C8orf88: variants seen among roughly 807,000 people sequenced by gnomAD.
The protein encoded by C8orf88 is uncharacterized protein C8orf88.
C8orf88 carries 14 observed loss-of-function variants against 18.4 expected under a neutral mutation model. The observed-to-expected ratio is 0.76, with a 90% CI of 0.50 to 1.19. The LOEUF (loss-of-function observed/expected upper bound fraction) is 1.19, where lower values mean the gene tolerates loss of function less well. Among genes scored for constraint, C8orf88 ranks in the 50% most tolerant of loss-of-function variants. C8orf88 has a pLI of 0.00. For missense variants in C8orf88, 116 were observed against 134.7 expected (o/e 0.86, Z 0.69); for synonymous variants, 45 against 42.9 (o/e 1.05, Z -0.19).
chr8:90,980,776 TA>T (rs1308683626), intron 1 of C8orf88, among the ~76,000 whole-genome samples: 15 of 152,166 alleles, frequency 9.9e-5, no homozygotes, highest in Non-Finnish European at 5.9e-5. Context: ...CACTTCAACT[TA>T]AAGCTCCTGG....
Position 90,980,430 on chromosome 8 carries a change from T to C in C8orf88, c.6A>G (p.Glu2=). 6.5e-7 allele frequency: 1 copy of C among 1,529,430 alleles called. No homozygotes were observed. Among genetic ancestry groups the C allele is most frequent in the Non-Finnish European group, 8.7e-7 (1 of 1,144,384 alleles). The allele number at this position is 1,529,430 out of a possible 1,614,324, so 94.7% of individuals were successfully genotyped here. The change falls in exon 2 of 6, where the codon GAA becomes GAG. Residue 2 remains glutamate, a synonymous_variant. Transcript: ENST00000517562. M[E]TKKLIGKPLQ... Reference sequence around the variant, plus strand: ...GCGGTTTACCAATTAATTTTTTGGTTTCCATTGTCACAAAGACTTTGAGGT... The same window carrying C: ...GCGGTTTACCAATTAATTTTTTGGTCTCCATTGTCACAAAGACTTTGAGGT...
chr8:90,963,714 G>A (rs948807788), intron 4 of C8orf88, among the ~76,000 whole-genome samples: 3 of 151,410 alleles, frequency 2.0e-5, no homozygotes, highest in Non-Finnish European at 4.4e-5. Flanking sequence ...TTGAGCAGGT[G>A]GAAGAAAGAA....
At chr8:90,976,377 G>A (rs1056216089) in intron 3 of C8orf88, among the ~76,000 whole-genome samples, 7 of 152,106 alleles carry the variant, frequency 4.6e-5, no homozygotes, top group African/African-American at 1.2e-4. Flanking sequence ...AAAACTGTAC[G>A]TTTAGAAGTA....
rs190995896 is a variant in C8orf88 at position 90,982,336 on chromosome 8, C to T, written c.-26-1875G>A. ...AAGGACCAAAAAGCAACCTAATATA[C>T]ATTGCTTTATTTGATGTTTATCCTA... is the stretch of plus-strand genomic sequence containing the variant. On this transcript the variant is annotated intron_variant, in intron 1 of 5. Coordinates refer to ENST00000517562, the MANE Select transcript of C8orf88 (RefSeq NM_001190972.2). Among the ~76,000 whole-genome samples, 5 of 152,174 alleles carry T rather than the reference C, an allele frequency of 3.3e-5. No individual in the cohort carries two copies. The East Asian group carries it at 7.7e-4, about 23-fold the overall frequency.
At chr8:90,979,062 C>A (rs1057253405) in intron 2 of C8orf88, among the ~76,000 whole-genome samples, 15 of 152,162 alleles carry the variant, frequency 9.9e-5, no homozygotes, top group African/African-American at 3.6e-4. Flanking sequence ...CTTTAGAGAT[C>A]TGAGATGGCC....
In C8orf88 at chr8:90,958,820, TG is replaced by T; in HGVS notation, c.*186del. 1 of 445,616 alleles carries T rather than the reference TG, an allele frequency of 2.2e-6. No individual in the cohort carries two copies. The highest frequency in any genetic ancestry group is 3.9e-6 in the Non-Finnish European group (1 of 254,208). 27.6% of individuals were successfully genotyped at this position (445,616 alleles called of 1,614,324 possible). On this transcript the variant is annotated 3_prime_UTR_variant, in exon 6 of 6. Transcript: ENST00000517562. ...TTCCCAATTTATGCAGGAAACCTCC[TG>T]CAAAGCTGAAACTGATTAGAAAATT...
At chr8:90,971,574 A>G (rs113309775) in intron 3 of C8orf88, among the ~76,000 whole-genome samples, 4 of 152,176 alleles carry the variant, frequency 2.6e-5, no homozygotes, top group Admixed American at 6.6e-5. Flanking sequence ...TTATAAGCCC[A>G]TGGACTGTTT....
chr8:90,978,886 A>G (rs1418606127), intron 2 of C8orf88, among the ~76,000 whole-genome samples: 1 of 152,212 alleles, frequency 6.6e-6, no homozygotes, highest in Non-Finnish European at 1.5e-5. Flanking sequence ...ATTTTAAAAG[A>G]CAAGTTCATA....
At chr8:90,980,084 A>G (rs1431408326) in intron 2 of C8orf88, among the ~76,000 whole-genome samples, 1 of 152,168 alleles carries the variant, frequency 6.6e-6, no homozygotes, top group Non-Finnish European at 1.5e-5. Context: ...TATCACTCTG[A>G]CCAGAAGCCA....
In C8orf88 at chr8:90,977,286, G is replaced by A. The variant is rs191814496; in HGVS notation, c.147+1293C>T. 9.3e-4 allele frequency among the ~76,000 whole-genome samples: 142 copies of A among 152,294 alleles called. 1 individual carries two copies. The highest frequency in any genetic ancestry group is 3.2e-3 in the African/African-American group (135 of 41,568). On this transcript the variant is annotated intron_variant, in intron 3 of 5. Transcript: ENST00000517562. Reference sequence around the variant, plus strand: ...AATGTTCAAGTCTGACAATAGTAAGGTGAGGACATAGACAAATCAGAGCCC... The same window carrying A: ...AATGTTCAAGTCTGACAATAGTAAGATGAGGACATAGACAAATCAGAGCCC...
chr8:90,970,264 T>A (rs1325750226), intron 4 of C8orf88, among the ~76,000 whole-genome samples: 2 of 151,850 alleles, frequency 1.3e-5, no homozygotes, highest in Non-Finnish European at 2.9e-5. Context: ...AGATGTAAGT[T>A]CTCATTTACC....
chr8:90,965,562 AAGCACACATGGAACCAC>A (rs1200373852), intron 4 of C8orf88, among the ~76,000 whole-genome samples: 1 of 151,874 alleles, frequency 6.6e-6, no homozygotes, highest in Non-Finnish European at 1.5e-5. Flanking sequence ...CATTCTTCTG[AAGCACACATGGAACCAC>A]AGCACACATG....
intron 1 of C8orf88, among the ~76,000 whole-genome samples, chr8:90,982,214 G>C (rs1811444183): frequency 2.0e-5 from 3 of 151,412 alleles, no homozygotes; most frequent in South Asian, 4.2e-4. Context: ...AATACAATTG[G>C]ATATAACAAG....
At chr8:90,985,270 A>G (rs1020420214), upstream of C8orf88, 1 of 2,018 alleles carries the variant, frequency 5.0e-4, no homozygotes, top group Admixed American at 6.0e-3. Flanking sequence ...GCGGGGGGCG[A>G]GGGGCGGGGG....
chr8:90,971,131 T>G lies in C8orf88; in HGVS notation c.158A>C (p.Asn53Thr). 1 of 1,520,360 alleles carries G rather than the reference T, an allele frequency of 6.6e-7. No individual in the cohort carries two copies. The highest frequency in any genetic ancestry group is 8.8e-7 in the Non-Finnish European group (1 of 1,137,486). 94.2% of individuals were successfully genotyped at this position (1,520,360 alleles called of 1,614,324 possible). The change falls in exon 4 of 6, where the codon AAT becomes ACT. Residue 53 changes from asparagine to threonine, a missense_variant. Asn to Thr is a moderately conservative substitution (Grantham distance 65). Transcript: ENST00000517562. ...IQSGVSRCKT[N>T]GMQAFSQGLN... Reference sequence around the variant, plus strand: ...ACCTTGAGAAAAGGCTTGCATTCCATTCGTCTTACACTGTTAAACATGAAG... The same window carrying G: ...ACCTTGAGAAAAGGCTTGCATTCCAGTCGTCTTACACTGTTAAACATGAAG...
At chr8:90,972,237 T>A (rs1191427558) in intron 3 of C8orf88, among the ~76,000 whole-genome samples, 1 of 152,062 alleles carries the variant, frequency 6.6e-6, no homozygotes. Context: ...ATGGAGATAA[T>A]TCTACACTAT....
intron 3 of C8orf88, among the ~76,000 whole-genome samples, chr8:90,975,982 C>G (rs1011095803): frequency 1.4e-5 from 2 of 147,068 alleles, no homozygotes; most frequent in African/African-American, 2.5e-5. Flanking sequence ...ATCTCATAAA[C>G]ATAACGCTGA....
chr8:90,967,874 A>G (rs1259731874), intron 4 of C8orf88, among the ~76,000 whole-genome samples: 1 of 151,822 alleles, frequency 6.6e-6, no homozygotes, highest in Non-Finnish European at 1.5e-5. Context: ...CCAAGGAGGT[A>G]CATGACTTGT....
At chr8:90,962,079 T>C (rs899442738) in intron 4 of C8orf88, among the ~76,000 whole-genome samples, 2 of 151,654 alleles carry the variant, frequency 1.3e-5, no homozygotes, top group African/African-American at 4.8e-5. Flanking sequence ...CAATTATTAA[T>C]GTGTTGTTCC....
Sources: allele counts gnomAD v4.1 joint callset (sites outside exome capture counted in the v4.1 genomes callset), GRCh38; gene constraint gnomAD v4.1.1; transcripts MANE v1.5; gene names NCBI Gene and HGNC (gene_info 2026-07-23, HGNC 2026-07-21).